Variants in POFUT2 observed in about 807,000 individuals in gnomAD.
POFUT2 encodes GDP-fucose protein O-fucosyltransferase 2.
POFUT2 carries 30 observed loss-of-function variants against 55.0 expected under a neutral mutation model. The observed-to-expected ratio is 0.55, with a 90% confidence interval of 0.41 to 0.74. POFUT2 has a LOEUF of 0.74. Ranked by LOEUF, POFUT2 falls within the 30% of genes least tolerant of loss-of-function variation. The pLI, the probability that POFUT2 is intolerant of heterozygous loss-of-function variation, is 0.00. For missense variants in POFUT2, 524 were observed against 562.6 expected, an observed-to-expected ratio of 0.93 and a Z score of 0.69; for synonymous variants, 267 against 231.1, an observed-to-expected ratio of 1.16 and a Z score of -1.41.
rs1228349552 is a variant in POFUT2, at chr21:45,285,613, C to A, written c.382+65G>T. ...ATCGTAAGCCCAACCTGATGTCTAC[C>A]TTAGAAATGACTGCCTGGCCCCAGT... On this transcript the variant is annotated intron_variant, in intron 2 of 8. Transcript: ENST00000349485. This position sits in a 1 kb window ranked among gnomAD's most constrained non-coding sequence, Gnocchi z 4.9. 6.2e-7 allele frequency: 1 copy of A among 1,606,040 alleles called. No individual in the cohort carries two copies. Among genetic ancestry groups the A allele is most frequent in the African/African-American group, 1.3e-5 (1 of 74,964 alleles).
At chr21:45,287,692 C>T (rs575961694) in intron 1 of POFUT2, 49 bp downstream of exon 1, 14 of 1,379,618 alleles carry the variant, frequency 1.0e-5, no homozygotes, top group Middle Eastern at 2.0e-4. Flanking sequence ...ATCCTCTGAC[C>T]CTGCCCGGTC....
At chr21:45,266,245 C>A (rs758250604) in intron 8 of POFUT2, 1 of 1,367,498 alleles carries the variant, frequency 7.3e-7, no homozygotes. Context: ...AACAAGCAAA[C>A]CCCAGAGATG....
At chr21:45,274,906 A>G (rs1274602920) in intron 6 of POFUT2, among the ~76,000 whole-genome samples, 1 of 152,246 alleles carries the variant, frequency 6.6e-6, no homozygotes, top group African/African-American at 2.4e-5. Context: ...AACCCAAAGC[A>G]AATGCAACAA....
intron 7 of POFUT2, among the ~76,000 whole-genome samples, chr21:45,269,513 T>C (rs1332611346): frequency 5.3e-5 from 8 of 152,140 alleles, no homozygotes; most frequent in Non-Finnish European, 1.0e-4. Context: ...CTCTGAAACA[T>C]GTGCTGTGTC....
At chr21:45,268,824 CCT>C (rs2093185838) in intron 7 of POFUT2, among the ~76,000 whole-genome samples, 1 of 143,270 alleles carries the variant, frequency 7.0e-6, no homozygotes, top group Non-Finnish European at 1.5e-5. Flanking sequence ...GGGGGTCAGC[CCT>C]CCGCCCGGCC....
At position 45,265,963 on chromosome 21, in the gene POFUT2, A is replaced by G. The variant is rs561226731; in HGVS notation, c.1137-328T>C. 133 of 1,242,574 alleles carry G rather than the reference A, an allele frequency of 1.1e-4. 1 individual carries two copies. In the African/African-American group the frequency reaches 1.9e-3, roughly 18 times the overall value. The allele number at this position is 1,242,574 out of a possible 1,614,324, so 77.0% of individuals were successfully genotyped here. A position where few individuals can be genotyped will look rare whatever the true frequency, so the allele number is the denominator to read the frequency against. On this transcript the variant is annotated intron_variant, in intron 8 of 8. Transcript: ENST00000349485. This position sits in a 1 kb window ranked among gnomAD's most constrained non-coding sequence, Gnocchi z 4.6. ...CACCAAATCCCAGGCCAGGCACGCCAGTGCAGGTCGAATACCTCCTGGGGG... is the reference window on the plus strand; with the variant it reads ...CACCAAATCCCAGGCCAGGCACGCCGGTGCAGGTCGAATACCTCCTGGGGG...
In POFUT2 at chr21:45,270,120, A is replaced by G; in HGVS notation, c.832-101T>C. ...GAGACGCAGAGGGATGACCCTTTCC[A>G]TGTGGCCTCCTCCACGGGGTGGCTC... On this transcript the variant is annotated intron_variant, in intron 6 of 8. Coordinates refer to ENST00000349485, the MANE Select transcript of POFUT2 (RefSeq NM_133635.6). The surrounding 1 kb of genome is among the most constrained non-coding windows in gnomAD (Gnocchi z 4.6). 1 of 917,784 alleles carries G rather than the reference A, an allele frequency of 1.1e-6. No individual in the cohort carries two copies. The allele number at this position is 917,784 out of a possible 1,614,324, so 56.9% of individuals were successfully genotyped here. A position where few individuals can be genotyped will look rare whatever the true frequency, so the allele number is the denominator to read the frequency against.
In POFUT2 at chr21:45,269,879, C is replaced by T; in HGVS notation, c.972G>A (p.Arg324=). The T allele has an allele frequency of 1.2e-6, 2 of 1,610,974 alleles. No homozygotes were observed. The highest frequency in any genetic ancestry group is 2.7e-5 in the African/African-American group (2 of 74,748). The change falls in exon 7 of 9, where the codon CGG becomes CGA. Residue 324 remains arginine, a synonymous_variant. Coordinates refer to ENST00000349485, the MANE Select transcript of POFUT2 (RefSeq NM_133635.6). ...RKIRSLMKTH[R]LDKVFVATDA... ...CTGTGGCCACAAACACCTTGTCCAG[C>T]CGGTGGGTCTTCATGAGGCTGCGGA...
intron 7 of POFUT2, among the ~76,000 whole-genome samples, chr21:45,269,438 C>T (rs367709759): frequency 2.0e-5 from 3 of 151,994 alleles, no homozygotes; most frequent in South Asian, 2.1e-4. Context: ...TTTTGTTCTG[C>T]ACTAAGAAAA....
At position 45,267,826 on chromosome 21, in the gene POFUT2, T is replaced by C. The variant is rs2093170866; in HGVS notation, c.1013-113A>G. 1 of 923,776 alleles carries C rather than the reference T, an allele frequency of 1.1e-6. No individual in the cohort carries two copies. The highest frequency in any genetic ancestry group is 2.0e-5 in the Admixed American group (1 of 49,018). The allele number at this position is 923,776 out of a possible 1,614,324, so 57.2% of individuals were successfully genotyped here. On this transcript the variant is annotated intron_variant, in intron 7 of 8. Transcript: ENST00000349485. This position sits in a 1 kb window ranked among gnomAD's most constrained non-coding sequence, Gnocchi z 4.4. ...GGCTTCTGGTTAATTCGTTAGGAAC[T>C]GGCTCCAAAGGTGCAGACACACAAC...
At chr21:45,266,573 GGT>G in intron 8 of POFUT2, 4 of 1,069,584 alleles carry the variant, frequency 3.7e-6, no homozygotes, top group Non-Finnish European at 4.6e-6. Flanking sequence ...GAGAAGCAGG[GGT>G]GAGTTCGTAA....
At position 45,267,231 on chromosome 21, in the gene POFUT2, G is replaced by T. The variant is rs2093164119; in HGVS notation, c.1136+359C>A. 1.4e-6 allele frequency: 2 copies of T among 1,421,354 alleles called. No individual in the cohort carries two copies. 88.0% of individuals were successfully genotyped at this position (1,421,354 alleles called of 1,614,324 possible). A position where few individuals can be genotyped will look rare whatever the true frequency, so the allele number is the denominator to read the frequency against. ...GGATGCTCAACAACACAGCAACAAGGACATGCCCAAGTCCAGGGCACGGGC... is the reference window on the plus strand; with the variant it reads ...GGATGCTCAACAACACAGCAACAAGTACATGCCCAAGTCCAGGGCACGGGC... On this transcript the variant is annotated intron_variant, in intron 8 of 8. Transcript: ENST00000349485. This position sits in a 1 kb window ranked among gnomAD's most constrained non-coding sequence, Gnocchi z 4.4.
In POFUT2 at chr21:45,281,594, C is replaced by T. The variant is rs1399936875; in HGVS notation, c.638+755G>A. Among the ~76,000 whole-genome samples, 1 of 152,030 alleles carries T rather than the reference C, an allele frequency of 6.6e-6. No homozygotes were observed. Among genetic ancestry groups the T allele is most frequent in the Non-Finnish European group, 1.5e-5 (1 of 67,992 alleles). ...AGCCAGCTGTGATGTGCAACAGGAT[C>T]GTGGCTGATGGCCTCTAGAGGCACA... On this transcript the variant is annotated intron_variant, in intron 4 of 8. Transcript: ENST00000349485. The surrounding 1 kb of genome is among the most constrained non-coding windows in gnomAD (Gnocchi z 5.0).
chr21:45,287,516 C>T, intron 1 of POFUT2, among the ~76,000 whole-genome samples: 2 of 84,668 alleles, frequency 2.4e-5, no homozygotes, highest in African/African-American at 4.9e-5. Flanking sequence ...CCATCCCATT[C>T]CCCTGACCCC....
At chr21:45,272,160 G>A (rs998180679) in intron 6 of POFUT2, among the ~76,000 whole-genome samples, 9 of 152,160 alleles carry the variant, frequency 5.9e-5, no homozygotes, top group African/African-American at 9.7e-5. Flanking sequence ...AAGTCTTCAA[G>A]AGACTGACCT....
rs746701744 is a variant in POFUT2 at position 45,284,296 on chromosome 21, T to C, written c.383-769A>G. 1.3e-5 allele frequency among the ~76,000 whole-genome samples: 2 copies of C among 152,134 alleles called. No homozygotes were observed. The highest frequency in any genetic ancestry group is 2.9e-5 in the Non-Finnish European group (2 of 68,032). ...AAGTTCTGGTATCCTTTTTGCTCAC[T>C]CATGACTGGGGGCTAAGGGCTGCGT... On this transcript the variant is annotated intron_variant, in intron 2 of 8. Transcript: ENST00000349485. This position sits in a 1 kb window ranked among gnomAD's most constrained non-coding sequence, Gnocchi z 5.8.
At chr21:45,283,582 C>G (rs978123778) in intron 2 of POFUT2, 55 bp from the exon 3 acceptor site, 3 of 1,585,604 alleles carry the variant, frequency 1.9e-6, no homozygotes, top group Non-Finnish European at 2.6e-6. Context: ...AGCTCACTTA[C>G]GGGCATGCAT....
intron 6 of POFUT2, among the ~76,000 whole-genome samples, chr21:45,273,976 A>G (rs1290801081): frequency 6.6e-6 from 1 of 152,224 alleles, no homozygotes; most frequent in Non-Finnish European, 1.5e-5. Context: ...GCAATCAGAC[A>G]AGAGAAAGAA....
At chr21:45,283,613 T>C (rs1313658868) in intron 2 of POFUT2, 86 bp from the exon 3 acceptor site, 7 of 1,373,158 alleles carry the variant, frequency 5.1e-6, no homozygotes, top group Non-Finnish European at 7.2e-6. Context: ...CAGCTGACTC[T>C]TACTACTGTA....
Sources: gnomAD v4.1 joint callset for allele counts (sites outside exome capture counted in the v4.1 genomes callset) on GRCh38, gnomAD v4.1.1 for gene constraint, Gnocchi (gnomAD v3.1) non-coding constraint, MANE v1.5 for transcripts, NCBI Gene and HGNC (gene_info 2026-07-23, HGNC 2026-07-21) for gene names.